TOGARAM1: variants seen among roughly 807,000 people sequenced by gnomAD.
TOGARAM1 encodes TOG array regulator of axonemal microtubules protein 1.
Under a neutral mutation model 166.6 loss-of-function variants are expected in TOGARAM1, and 100 were observed. The ratio of observed to expected loss-of-function variants is 0.60; its 90% CI spans 0.51 to 0.71. TOGARAM1 has a LOEUF of 0.71. Ranked by LOEUF, TOGARAM1 falls within the 30% of genes least tolerant of loss-of-function variation. TOGARAM1 has a pLI of 0.00. For synonymous variants in TOGARAM1, 758 were observed against 763.8 expected, an observed-to-expected ratio of 0.99 and a Z score of 0.13; for missense variants, 2,029 against 2,102.7, an observed-to-expected ratio of 0.96 and a Z score of 0.69.
At chr14:45,009,749 C>T (rs918885205) in intron 6 of TOGARAM1, among the ~76,000 whole-genome samples, 1 of 152,168 alleles carries the variant, frequency 6.6e-6, no homozygotes, top group Non-Finnish European at 1.5e-5. Flanking sequence ...ACTTCTGTAA[C>T]CTCTACGTCT....
chr14:45,028,091 C>A, intron 9 of TOGARAM1, 85 bp from the exon 10 acceptor site: 1 of 1,194,584 alleles, frequency 8.4e-7, no homozygotes, highest in Non-Finnish European at 1.2e-6. Flanking sequence ...CTAATATCCT[C>A]AGACACAAAT....
At chr14:45,026,950 A>G (rs1431710948) in intron 8 of TOGARAM1, among the ~76,000 whole-genome samples, 4 of 151,994 alleles carry the variant, frequency 2.6e-5, no homozygotes, top group South Asian at 2.1e-4. Context: ...GGAGGTTGCA[A>G]TGAGCCGAGA....
Position 45,068,459 on chromosome 14 carries a change from T to C in TOGARAM1, c.4785T>C (p.Ser1595=), listed in dbSNP as rs1195646857. ...CTTTTAAATCTCGACTTCATGATTC[T>C]AATAGTAAAGTAAATCTGGTGGCTC... The part of the protein sequence containing the change: ...FDAFKSRLHD[S]NSKVNLVALE... Residue 1595 remains serine (S), a synonymous_variant, in exon 18 of 20, where the codon TCT becomes TCC. Coordinates refer to ENST00000361462, the MANE Select transcript of TOGARAM1 (RefSeq NM_001308120.2). 6.2e-7 allele frequency: 1 copy of C among 1,612,546 alleles called. No homozygotes were observed. The highest frequency in any genetic ancestry group is 8.5e-7 in the Non-Finnish European group (1 of 1,179,358).
rs1882075661 is a variant in TOGARAM1 at position 45,046,531 on chromosome 14, A to C, written c.4155-14A>C. 4.5e-5 allele frequency: 57 copies of C among 1,275,008 alleles called. No individual in the cohort carries two copies. The highest frequency in any genetic ancestry group is 5.7e-5 in the Non-Finnish European group (57 of 1,000,944). 79.0% of individuals were successfully genotyped at this position (1,275,008 alleles called of 1,614,324 possible). The stretch of plus-strand genomic sequence containing the variant: ...TATAACAACTCTGTTTTAATTGATC[A>C]TGTCTCCTTGTAGCCATTTACACAT... On this transcript the variant is annotated splice_polypyrimidine_tract_variant and intron_variant, in intron 13 of 19. Transcript: ENST00000361462.
At chr14:45,033,600 A>G (rs986146640) in intron 11 of TOGARAM1, among the ~76,000 whole-genome samples, 2 of 152,182 alleles carry the variant, frequency 1.3e-5, no homozygotes, top group African/African-American at 4.8e-5. Context: ...AAATTATTTC[A>G]TTCAGTCTCA....
rs781604051 is a variant in TOGARAM1 at position 45,073,804 on chromosome 14, AT to A, written c.*247del. 6.0e-5 allele frequency: 21 copies of A among 351,408 alleles called. No homozygotes were observed. Among genetic ancestry groups the A allele is most frequent in the Non-Finnish European group, 9.7e-5 (19 of 195,128 alleles). 21.8% of individuals were successfully genotyped at this position (351,408 alleles called of 1,614,324 possible). On this transcript the variant is annotated 3_prime_UTR_variant, in exon 20 of 20. Coordinates refer to ENST00000361462, the MANE Select transcript of TOGARAM1 (RefSeq NM_001308120.2). ...ATCTGAGTCACATGGGATGAATTCA[AT>A]TTTAATATTTTTGAGAAAAGTCCTG... is the stretch of plus-strand genomic sequence containing the variant.
intron 5 of TOGARAM1, 105 bp downstream of exon 5, chr14:45,006,372 T>G (rs1879430321): frequency 1.3e-6 from 1 of 795,898 alleles, no homozygotes. Flanking sequence ...AATATCTTAT[T>G]TCTAAAAATA....
At chr14:45,041,793 A>T (rs529481361) in intron 11 of TOGARAM1, among the ~76,000 whole-genome samples, 1 of 152,286 alleles carries the variant, frequency 6.6e-6, no homozygotes, top group South Asian at 2.1e-4. Context: ...ACAGAGTCTC[A>T]CTGTGTCACC....
chr14:45,066,359 T>C (rs562214998), intron 16 of TOGARAM1, among the ~76,000 whole-genome samples: 1 of 152,264 alleles, frequency 6.6e-6, no homozygotes, highest in East Asian at 1.9e-4. Context: ...TGAGTAAAAG[T>C]ATAGGCTAAC....
chr14:44,988,530 A>C (rs955906361), intron 1 of TOGARAM1, among the ~76,000 whole-genome samples: 1 of 152,204 alleles, frequency 6.6e-6, no homozygotes, highest in African/African-American at 2.4e-5. Context: ...GTACCAAACT[A>C]TTAGGAATGT....
intron 17 of TOGARAM1, 74 bp downstream of exon 17, chr14:45,066,841 C>T: frequency 4.6e-6 from 6 of 1,292,050 alleles, no homozygotes; most frequent in Middle Eastern, 5.7e-4. Context: ...TTTGGGAAGC[C>T]AAGGTAGAAG....
chr14:45,070,302 T>C (rs1883323306), intron 18 of TOGARAM1, among the ~76,000 whole-genome samples: 1 of 152,216 alleles, frequency 6.6e-6, no homozygotes, highest in South Asian at 2.1e-4. Flanking sequence ...TTTACTATAA[T>C]ACCATAAAAC....
At chr14:44,980,122 A>G (rs1257564651) in intron 1 of TOGARAM1, among the ~76,000 whole-genome samples, 1 of 152,134 alleles carries the variant, frequency 6.6e-6, no homozygotes, top group Non-Finnish European at 1.5e-5. Flanking sequence ...TCACATATTC[A>G]TGTGTCCTCC....
Position 44,963,724 on chromosome 14 carries a change from C to A in TOGARAM1, c.1303C>A (p.Pro435Thr). ...AGAGCAGGTACAGCAGTTCTTGGGA[C>A]CAGTTATAGCAGCTTCTGTCAAAGT... The part of the protein sequence containing the change: ...LGEQVQQFLG[P>T]VIAASVKVLA... The change falls in exon 1 of 20, where the codon CCA becomes ACA. Residue 435 changes from proline (P) to threonine (T), a missense_variant. Transcript: ENST00000361462. The A allele has an allele frequency of 1.9e-6, 3 of 1,613,944 alleles. No homozygotes were observed. Among genetic ancestry groups the A allele is most frequent in the Non-Finnish European group, 2.5e-6 (3 of 1,179,956 alleles).
At chr14:45,011,785 A>ATGTGTGTGTGTG (rs113794576) in intron 6 of TOGARAM1, 190 bp from the exon 7 acceptor site, 37 of 414,720 alleles carry the variant, frequency 8.9e-5, no homozygotes, top group African/African-American at 6.3e-4. Flanking sequence ...CAAAATATAT[A>ATGTGTGTGTGTG]TGTGTGTGTG....
At chr14:45,021,648 A>G (rs936749034) in intron 7 of TOGARAM1, among the ~76,000 whole-genome samples, 12 of 152,094 alleles carry the variant, frequency 7.9e-5, no homozygotes, top group African/African-American at 2.7e-4. Flanking sequence ...AGTGTGATGT[A>G]TCCTAGACTC....
intron 1 of TOGARAM1, 122 bp downstream of exon 1, chr14:44,964,589 T>A: frequency 8.7e-7 from 1 of 1,144,298 alleles, no homozygotes; most frequent in Non-Finnish European, 1.2e-6. Flanking sequence ...AAATTGATTT[T>A]AAATCCATCT....
chr14:44,993,960 A>G (rs1369511380), intron 1 of TOGARAM1, among the ~76,000 whole-genome samples: 2 of 152,258 alleles, frequency 1.3e-5, no homozygotes, highest in East Asian at 3.8e-4. Flanking sequence ...GTATTAATAC[A>G]TCATCTTTTA....
intron 7 of TOGARAM1, chr14:45,022,888 A>G (rs1449273134): frequency 6.6e-6 from 1 of 152,056 alleles, no homozygotes; most frequent in Non-Finnish European, 1.5e-5. Context: ...TAATCTCCTA[A>G]TGACTTCCTG....
Sources: gnomAD v4.1 joint callset for allele counts (sites outside exome capture counted in the v4.1 genomes callset) on GRCh38, gnomAD v4.1.1 for gene constraint, MANE v1.5 for transcripts, NCBI Gene and HGNC (gene_info 2026-07-23, HGNC 2026-07-21) for gene names.